The following CFI variants were observed in gnomAD, a reference collection of about 807,000 sequenced individuals.
The protein encoded by CFI is C3B/C4B inactivator.
CFI carries 66 observed loss-of-function variants against 78.8 expected under a neutral mutation model. That is an observed-to-expected ratio of 0.84 (90% CI 0.69 to 1.03). CFI has a LOEUF of 1.03. Among genes scored for constraint, CFI ranks in the 50% least tolerant of loss-of-function variants. CFI has a pLI of 0.00. For synonymous variants in CFI, 250 were observed against 232.6 expected, an observed-to-expected ratio of 1.07 and a Z score of -0.68; for missense variants, 706 against 704.5, an observed-to-expected ratio of 1.00 and a Z score of -0.02.
At chr4:109,794,316 C>T (rs1278407560) in intron 1 of CFI, 1 of 152,018 alleles carries the variant, frequency 6.6e-6, no homozygotes, top group Non-Finnish European at 1.5e-5. Flanking sequence ...TCTGTTCATT[C>T]CTTGTCATCC....
chr4:109,782,177 A>G (rs1335651318), intron 1 of CFI, among the ~76,000 whole-genome samples: 1 of 152,116 alleles, frequency 6.6e-6, no homozygotes. Context: ...AGACAAGAGA[A>G]ATAATTTTAT....
At chr4:109,764,382 G>T in intron 3 of CFI, 155 bp downstream of exon 3, 1 of 825,412 alleles carries the variant, frequency 1.2e-6, no homozygotes, top group Non-Finnish European at 2.0e-6. Context: ...GGGTAAACAT[G>T]AATGCATATC....
At position 109,772,670 on chromosome 4, in the gene CFI, A is replaced by G. The variant is rs1291188308; in HGVS notation, c.58-5846T>C. On this transcript the variant is annotated intron_variant, in intron 1 of 12. Transcript: ENST00000394634. ...CACAGCTCACTGTAATCCTAAACTC[A>G]TAGGCTCAAGTGATCATCCTGCCTC... Among the ~76,000 whole-genome samples, 5 of 151,844 alleles carry G rather than the reference A, an allele frequency of 3.3e-5. No individual in the cohort carries two copies. In the East Asian group the frequency reaches 7.8e-4, roughly 24 times the overall value.
chr4:109,795,604 C>G (rs78607599), intron 1 of CFI, among the ~76,000 whole-genome samples: 1 of 152,094 alleles, frequency 6.6e-6, no homozygotes, highest in Non-Finnish European at 1.5e-5. Flanking sequence ...AGATAAACAA[C>G]TACACAAAAT....
At chr4:109,773,462 G>A (rs1488082468) in intron 1 of CFI, among the ~76,000 whole-genome samples, 1 of 152,200 alleles carries the variant, frequency 6.6e-6, no homozygotes, top group Non-Finnish European at 1.5e-5. Flanking sequence ...GTTGCAGTGA[G>A]CCGAGATCGC....
chr4:109,789,353 T>C (rs927242772), intron 1 of CFI, among the ~76,000 whole-genome samples: 2 of 151,714 alleles, frequency 1.3e-5, no homozygotes, highest in African/African-American at 4.8e-5. Flanking sequence ...AGGAGAATCA[T>C]GAAGGAAATT....
rs773887365 is a variant in CFI, at chr4:109,749,211, C to A, written c.1148+7G>T. 1 of 1,611,122 alleles carries A rather than the reference C, an allele frequency of 6.2e-7. No individual in the cohort carries two copies. Among genetic ancestry groups the A allele is most frequent in the Non-Finnish European group, 8.5e-7 (1 of 1,177,248 alleles). The stretch of plus-strand genomic sequence containing the variant: ...GAAATCTAAAATTTACTGAAGACAT[C>A]TTTTACCTGAGACAATGTGCAGCAG... On this transcript the variant is annotated splice_region_variant and intron_variant, in intron 10 of 12. Coordinates refer to ENST00000394634, the MANE Select transcript of CFI (RefSeq NM_000204.5).
chr4:109,741,293 T>C, intron 12 of CFI, 183 bp from the exon 13 acceptor site: 1 of 985,430 alleles, frequency 1.0e-6, no homozygotes, highest in East Asian at 1.1e-4. Flanking sequence ...TGGAAAATTC[T>C]TTACGAGTCT....
At chr4:109,788,776 A>T (rs891746385) in intron 1 of CFI, among the ~76,000 whole-genome samples, 3 of 152,222 alleles carry the variant, frequency 2.0e-5, no homozygotes, top group African/African-American at 4.8e-5. Context: ...TAAAAAATTT[A>T]AAAAGTAAAT....
intron 1 of CFI, among the ~76,000 whole-genome samples, chr4:109,794,889 G>A (rs62324938): frequency 0.056 from 8,448 of 152,038 alleles, 254 homozygotes; most frequent in South Asian, 0.1. Context: ...CAGTTGAAGC[G>A]TGTGACATTG....
At position 109,801,988 on chromosome 4, in the gene CFI, G is replaced by T. The variant is rs764114058; in HGVS notation, c.-17C>A. On this transcript the variant is annotated 5_prime_UTR_variant, in exon 1 of 13. Transcript: ENST00000394634. The stretch of plus-strand genomic sequence containing the variant: ...AAGCTTCATGTTGGAGGTGTTCGGG[G>T]TCTTTGTCTCTGCTGAGAACTCTTT... The T allele has an allele frequency of 2.5e-6, 4 of 1,602,852 alleles. No homozygotes were observed. The highest frequency in any genetic ancestry group is 3.4e-6 in the Non-Finnish European group (4 of 1,170,150).
chr4:109,732,488 A>G, the CFI span, among the ~76,000 whole-genome samples: 1 of 152,232 alleles, frequency 6.6e-6, no homozygotes, highest in African/African-American at 2.4e-5. Context: ...ATCTGCACTG[A>G]CCACAGACTA....
chr4:109,801,996 C>T lies in CFI; in HGVS notation c.-25G>A. On this transcript the variant is annotated 5_prime_UTR_variant, in exon 1 of 13. Transcript: ENST00000394634. The stretch of plus-strand genomic sequence containing the variant: ...TGTTGGAGGTGTTCGGGGTCTTTGT[C>T]TCTGCTGAGAACTCTTTTCCACTCC... 1.9e-6 allele frequency: 3 copies of T among 1,579,400 alleles called. No homozygotes were observed. The highest frequency in any genetic ancestry group is 2.6e-6 in the Non-Finnish European group (3 of 1,148,796).
chr4:109,751,674 G>C (rs768283100), intron 8 of CFI, among the ~76,000 whole-genome samples: 1 of 151,930 alleles, frequency 6.6e-6, no homozygotes, highest in Non-Finnish European at 1.5e-5. Flanking sequence ...CTCCTGACCT[G>C]AAGTAATCCG....
At chr4:109,748,892 T>C (rs1417544044) in intron 10 of CFI, among the ~76,000 whole-genome samples, 1 of 151,992 alleles carries the variant, frequency 6.6e-6, no homozygotes, top group Non-Finnish European at 1.5e-5. Flanking sequence ...GTAAAGAAAA[T>C]ATAGGTAGGC....
chr4:109,801,765 A>G, intron 1 of CFI, 150 bp downstream of exon 1: 1 of 572,960 alleles, frequency 1.7e-6, no homozygotes, highest in East Asian at 2.9e-5. Flanking sequence ...ATATTAACAT[A>G]AAACATTTGT....
At chr4:109,788,098 C>T (rs1579303047) in intron 1 of CFI, among the ~76,000 whole-genome samples, 1 of 152,150 alleles carries the variant, frequency 6.6e-6, no homozygotes, top group African/African-American at 2.4e-5. Flanking sequence ...GCATTTGTAA[C>T]TAGTGGCCCT....
At chr4:109,788,633 A>G (rs1481784319) in intron 1 of CFI, among the ~76,000 whole-genome samples, 1 of 152,084 alleles carries the variant, frequency 6.6e-6, no homozygotes, top group African/African-American at 2.4e-5. Flanking sequence ...CCCACAGCAC[A>G]GACACTTTTA....
chr4:109,750,304 T>C (rs1378432736), intron 8 of CFI, among the ~76,000 whole-genome samples: 4 of 152,146 alleles, frequency 2.6e-5, no homozygotes, highest in African/African-American at 9.7e-5. Context: ...CCATAGTTTT[T>C]ATTTTCTAGA....
Sources: gnomAD v4.1 joint callset for allele counts (sites outside exome capture counted in the v4.1 genomes callset) on GRCh38, gnomAD v4.1.1 for gene constraint, MANE v1.5 for transcripts, NCBI Gene and HGNC (gene_info 2026-07-23, HGNC 2026-07-21) for gene names.